Variants in PFDN1 observed in about 807,000 individuals in gnomAD.
PFDN1 encodes prefoldin subunit 1.
Under a neutral mutation model 17.3 loss-of-function variants are expected in PFDN1, and 6 were observed. The observed-to-expected ratio is 0.35, with a 90% CI of 0.19 to 0.69. PFDN1 has a LOEUF of 0.69. Ranked by LOEUF, PFDN1 falls within the 30% of genes least tolerant of loss-of-function variation. PFDN1 has a pLI of 0.65. For synonymous variants in PFDN1, 58 were observed against 50.1 expected (o/e 1.16, Z -0.67); for missense variants, 113 against 146.2 (o/e 0.77, Z 1.17).
chr5:140,267,815 T>C (rs1190327007), intron 3 of PFDN1, among the ~76,000 whole-genome samples: 1 of 152,152 alleles, frequency 6.6e-6, no homozygotes, highest in Non-Finnish European at 1.5e-5. Flanking sequence ...TCCGTGTCTT[T>C]ATAGCATCAC....
At chr5:140,266,107 T>A (rs1051502394) in intron 3 of PFDN1, among the ~76,000 whole-genome samples, 2 of 152,158 alleles carry the variant, frequency 1.3e-5, no homozygotes, top group African/African-American at 2.4e-5. Context: ...AGATCTCTTG[T>A]GGAGAATGAG....
chr5:140,289,922 C>T (rs1446064356), intron 2 of PFDN1, among the ~76,000 whole-genome samples: 1 of 152,278 alleles, frequency 6.6e-6, no homozygotes, highest in East Asian at 1.9e-4. Context: ...ACTTCCACCA[C>T]CTTAATTTAT....
At chr5:140,253,216 G>A (rs903091660) in intron 3 of PFDN1, among the ~76,000 whole-genome samples, 3 of 152,166 alleles carry the variant, frequency 2.0e-5, no homozygotes, top group Admixed American at 2.0e-4. Flanking sequence ...GAAGGACAGG[G>A]ACAAAAGACT....
chr5:140,294,753 C>A (rs1765629140), intron 2 of PFDN1, among the ~76,000 whole-genome samples: 1 of 151,918 alleles, frequency 6.6e-6, no homozygotes, highest in Non-Finnish European at 1.5e-5. Context: ...TCTACTTATG[C>A]CACATTTATC....
At chr5:140,276,764 G>A (rs1765299805) in intron 3 of PFDN1, among the ~76,000 whole-genome samples, 1 of 111,696 alleles carries the variant, frequency 9.0e-6, no homozygotes, top group Admixed American at 1.3e-4. Flanking sequence ...CTGGGTGACA[G>A]AGTGAGACAC....
chr5:140,287,993 A>G (rs1337900864), intron 2 of PFDN1, among the ~76,000 whole-genome samples: 1 of 152,246 alleles, frequency 6.6e-6, no homozygotes, highest in East Asian at 1.9e-4. Context: ...TGGGAATGCA[A>G]AAATGGTACA....
chr5:140,248,367 G>A (rs769006629), intron 3 of PFDN1, among the ~76,000 whole-genome samples: 9 of 152,072 alleles, frequency 5.9e-5, no homozygotes, highest in Non-Finnish European at 1.0e-4. Context: ...GTGCCAGGCC[G>A]ATAAACAACT....
In PFDN1 at chr5:140,303,101, T is replaced by A; in HGVS notation, c.-28A>T. The A allele has an allele frequency of 6.3e-7, 1 of 1,599,722 alleles. No homozygotes were observed. Among genetic ancestry groups the A allele is most frequent in the Non-Finnish European group, 8.6e-7 (1 of 1,166,858 alleles). ...TGGTGCACTGTAAGCGCCTGCGCAG[T>A]GGGAGTTGGACTGAAATAGGGTGGG... On this transcript the variant is annotated 5_prime_UTR_variant, in exon 1 of 4. Coordinates refer to ENST00000261813, the MANE Select transcript of PFDN1 (RefSeq NM_002622.5).
At chr5:140,249,848 C>T (rs1009832611) in intron 3 of PFDN1, among the ~76,000 whole-genome samples, 1 of 152,146 alleles carries the variant, frequency 6.6e-6, no homozygotes, top group East Asian at 1.9e-4. Context: ...AAGCCATACA[C>T]AAGAAACCCG....
intron 3 of PFDN1, among the ~76,000 whole-genome samples, chr5:140,276,780 CAAAAAAAAAAAA>C (rs35889345): frequency 1.5e-4 from 7 of 46,738 alleles, no homozygotes; most frequent in African/African-American, 3.1e-4. Context: ...GACACCGTCT[CAAAAAAAAAAAA>C]AAAAAAAAAA....
At chr5:140,279,588 C>T (rs549846921) in intron 3 of PFDN1, among the ~76,000 whole-genome samples, 4 of 151,784 alleles carry the variant, frequency 2.6e-5, no homozygotes, top group Non-Finnish European at 4.4e-5. Context: ...TTCAGCCTCC[C>T]GTAGCTGGGA....
At chr5:140,272,075 A>G (rs1384793931) in intron 3 of PFDN1, among the ~76,000 whole-genome samples, 1 of 151,820 alleles carries the variant, frequency 6.6e-6, no homozygotes, top group East Asian at 1.9e-4. Context: ...GCCGGAGTGC[A>G]ATAGCGTAAT....
In PFDN1 at chr5:140,286,407, GTC is replaced by G. The variant is rs1262624476; in HGVS notation, c.201-4876_201-4875del. Among the ~76,000 whole-genome samples the G allele has an allele frequency of 4.9e-4, 22 of 44,498 alleles. No homozygotes were observed. The South Asian group carries it at 5.6e-3, about 11-fold the overall frequency. The allele number at this position is 44,498 out of a possible 152,430, so 29.2% of individuals were successfully genotyped here. A position where few individuals can be genotyped will look rare whatever the true frequency, so the allele number is the denominator to read the frequency against. ...AGCCTGGGTGACAGAGTGAGACTCT[GTC>G]TCAAAAAAAAAAAAAAAAAAGAAAA... On this transcript the variant is annotated intron_variant, in intron 2 of 3. Transcript: ENST00000261813.
intron 3 of PFDN1, 157 bp downstream of exon 3, chr5:140,281,292 A>G: frequency 1.8e-6 from 1 of 556,242 alleles, no homozygotes; most frequent in South Asian, 2.3e-5. Context: ...TGCGCTATGA[A>G]TATGAATATG....
chr5:140,288,142 A>G (rs554911556), intron 2 of PFDN1, among the ~76,000 whole-genome samples: 1 of 152,260 alleles, frequency 6.6e-6, no homozygotes. Flanking sequence ...GTAACCGCCA[A>G]AACTTGGAAC....
intron 2 of PFDN1, among the ~76,000 whole-genome samples, chr5:140,298,370 C>T (rs1207709511): frequency 1.3e-5 from 2 of 151,876 alleles, no homozygotes; most frequent in African/African-American, 4.8e-5. Flanking sequence ...GGTCAAATTC[C>T]ATTCTAACTA....
chr5:140,287,080 T>C (rs1438397582), intron 2 of PFDN1, among the ~76,000 whole-genome samples: 2 of 152,238 alleles, frequency 1.3e-5, no homozygotes, highest in Non-Finnish European at 2.9e-5. Context: ...AATATATGTA[T>C]ACAAATAATC....
intron 2 of PFDN1, among the ~76,000 whole-genome samples, chr5:140,288,829 A>T (rs893488657): frequency 3.3e-5 from 5 of 151,780 alleles, no homozygotes; most frequent in Non-Finnish European, 5.9e-5. Flanking sequence ...TACTAAAAAT[A>T]AAAAAAATGA....
At chr5:140,295,635 C>T (rs1355869051) in intron 2 of PFDN1, among the ~76,000 whole-genome samples, 20 of 152,114 alleles carry the variant, frequency 1.3e-4, no homozygotes, top group Admixed American at 1.0e-3. Flanking sequence ...GCTGGCAACA[C>T]GCCAAAAGAC....
Sources: gnomAD v4.1 joint callset for allele counts (sites outside exome capture counted in the v4.1 genomes callset) on GRCh38, gnomAD v4.1.1 for gene constraint, MANE v1.5 for transcripts, NCBI Gene and HGNC (gene_info 2026-07-23, HGNC 2026-07-21) for gene names.